Variants in AP3B1 observed in about 807,000 individuals in gnomAD.
The protein encoded by AP3B1 is AP-3 complex subunit beta-1.
In AP3B1, 61 loss-of-function variants were observed where a neutral mutation model predicts 132.5. The observed-to-expected ratio is 0.46, with a 90% confidence interval of 0.37 to 0.57. The LOEUF (loss-of-function observed/expected upper bound fraction) is 0.57, where lower values mean the gene tolerates loss of function less well. Ranked by LOEUF, AP3B1 falls within the 20% of genes least tolerant of loss-of-function variation. AP3B1 has a pLI of 0.00. For synonymous variants in AP3B1, 388 were observed against 438.3 expected, an observed-to-expected ratio of 0.89 and a Z score of 1.43; for missense variants, 1,120 against 1,289.4, an observed-to-expected ratio of 0.87 and a Z score of 2.01.
chr5:78,144,613 C>T (rs1753305440), intron 14 of AP3B1, among the ~76,000 whole-genome samples: 1 of 152,122 alleles, frequency 6.6e-6, no homozygotes, highest in African/African-American at 2.4e-5. Flanking sequence ...AAGCCTAAGC[C>T]TGAATTACAA....
chr5:78,096,474 C>G (rs531413769), intron 21 of AP3B1, among the ~76,000 whole-genome samples: 3 of 150,872 alleles, frequency 2.0e-5, no homozygotes, highest in African/African-American at 7.3e-5. Flanking sequence ...GGCCGCCCAT[C>G]GTCTGGGATG....
intron 6 of AP3B1, chr5:78,222,222 AG>A (rs1746209356): frequency 6.5e-6 from 1 of 152,796 alleles, no homozygotes; most frequent in African/African-American, 2.4e-5. Flanking sequence ...TAGCTGCTGC[AG>A]GTTGCTGAAA....
intron 11 of AP3B1, among the ~76,000 whole-genome samples, chr5:78,172,878 G>A (rs1743980309): frequency 6.6e-6 from 1 of 152,124 alleles, no homozygotes; most frequent in Admixed American, 6.5e-5. Context: ...GATCTTTACT[G>A]CTTTCTCTTG....
chr5:78,288,227 C>T (rs1374026149), intron 1 of AP3B1, among the ~76,000 whole-genome samples: 1 of 152,122 alleles, frequency 6.6e-6, no homozygotes, highest in African/African-American at 2.4e-5. Flanking sequence ...TTGAATTACA[C>T]AATTTAACAC....
chr5:78,245,496 C>T (rs114822290), intron 2 of AP3B1, among the ~76,000 whole-genome samples: 2,478 of 152,234 alleles, frequency 0.016, 72 homozygotes, highest in African/African-American at 0.057. Flanking sequence ...CCTCAGAGGC[C>T]TCTTGTGGCT....
intron 21 of AP3B1, among the ~76,000 whole-genome samples, chr5:78,092,113 C>A (rs530122151): frequency 1.9e-4 from 29 of 152,142 alleles, no homozygotes; most frequent in Non-Finnish European, 3.8e-4. Context: ...TTATTCATTC[C>A]TTTGTACATC....
intron 14 of AP3B1, among the ~76,000 whole-genome samples, 182 bp downstream of exon 14, chr5:78,156,076 T>A (rs1264596364): frequency 6.6e-6 from 1 of 152,208 alleles, no homozygotes; most frequent in Non-Finnish European, 1.5e-5. Flanking sequence ...AGGCTCATTC[T>A]ATCCTTTCCC....
intron 18 of AP3B1, among the ~76,000 whole-genome samples, chr5:78,114,432 T>C (rs1751734028): frequency 6.6e-6 from 1 of 152,054 alleles, no homozygotes; most frequent in Non-Finnish European, 1.5e-5. Context: ...ATAGGCAAAA[T>C]GACTAATTAA....
rs539413795 is a variant in AP3B1 at position 78,122,125 on chromosome 5, G to A, written c.1969-5891C>T. Among the ~76,000 whole-genome samples, 990 of 152,146 alleles carry A rather than the reference G, an allele frequency of 6.5e-3. 8 individuals carry two copies. Among genetic ancestry groups the A allele is most frequent in the African/African-American group, 0.023 (950 of 41,500 alleles). On this transcript the variant is annotated intron_variant, in intron 17 of 26. Coordinates refer to ENST00000255194, the MANE Select transcript of AP3B1 (RefSeq NM_003664.5). ...TGATTATCTCAATAGATGCAGAAACGGCCTTTGACAAAATTCAACAACCCT... is the reference window on the plus strand; with the variant it reads ...TGATTATCTCAATAGATGCAGAAACAGCCTTTGACAAAATTCAACAACCCT...
chr5:78,229,143 C>T (rs1365897568), intron 3 of AP3B1, among the ~76,000 whole-genome samples: 1 of 151,872 alleles, frequency 6.6e-6, no homozygotes, highest in Non-Finnish European at 1.5e-5. Flanking sequence ...TGTTGCCTAC[C>T]CAGGCTGGTC....
At chr5:78,168,349 A>G (rs1373193037) in intron 11 of AP3B1, among the ~76,000 whole-genome samples, 1 of 151,150 alleles carries the variant, frequency 6.6e-6, no homozygotes, top group African/African-American at 2.4e-5. Context: ...TCAGCCTCCC[A>G]AGTAGCTGGG....
intron 15 of AP3B1, among the ~76,000 whole-genome samples, chr5:78,134,684 G>C (rs1020374182): frequency 2.7e-4 from 41 of 152,266 alleles, no homozygotes; most frequent in Admixed American, 1.7e-3. Flanking sequence ...AGGATTACAG[G>C]CATGTGCCAC....
At chr5:78,094,529 G>A (rs1327699883) in intron 21 of AP3B1, among the ~76,000 whole-genome samples, 1 of 152,090 alleles carries the variant, frequency 6.6e-6, no homozygotes, top group East Asian at 1.9e-4. Context: ...AAATTGTTTT[G>A]TAGTAGAGTC....
At chr5:78,227,067 G>T (rs1188937264) in intron 5 of AP3B1, among the ~76,000 whole-genome samples, 1 of 151,992 alleles carries the variant, frequency 6.6e-6, no homozygotes, top group African/African-American at 2.4e-5. Flanking sequence ...AAGCATATGT[G>T]TACATGAGAT....
intron 2 of AP3B1, among the ~76,000 whole-genome samples, chr5:78,248,248 T>C (rs557805514): frequency 6.6e-5 from 10 of 151,916 alleles, no homozygotes; most frequent in Admixed American, 6.6e-4. Context: ...TCCCAGCACT[T>C]TGGGAGGCTG....
chr5:78,130,455 T>G (rs749833063), intron 15 of AP3B1, among the ~76,000 whole-genome samples: 11 of 152,084 alleles, frequency 7.2e-5, no homozygotes, highest in Non-Finnish European at 1.5e-4. Context: ...CTTATTTCAG[T>G]AGCAGAGTAG....
rs1450508629 is a variant in AP3B1 at position 78,089,490 on chromosome 5, A to G, written c.2480T>C (p.Val827Ala). 1.2e-6 allele frequency: 2 copies of G among 1,609,076 alleles called. No individual in the cohort carries two copies. Among genetic ancestry groups the G allele is most frequent in the Non-Finnish European group, 1.7e-6 (2 of 1,175,482 alleles). The change falls in exon 22 of 27, where the codon GTA becomes GCA. Residue 827 changes from valine (V) to alanine (A), a missense_variant. Physicochemically the swap from Val to Ala is moderately conservative, Grantham distance 64 (BLOSUM62 0). Coordinates refer to ENST00000255194, the MANE Select transcript of AP3B1 (RefSeq NM_003664.5). ...SLLDLDDFNP[V>A]STPVALPTPA... ...TGTGGGAAGTGCAACTGGAGTGGAT[A>G]CTGGGTTAACTGTAAGAAAAGGCCC...
intron 21 of AP3B1, among the ~76,000 whole-genome samples, chr5:78,091,794 G>C (rs1750528181): frequency 6.6e-6 from 1 of 152,192 alleles, no homozygotes; most frequent in Non-Finnish European, 1.5e-5. Context: ...TGGTCCTGCA[G>C]GATGGTTAAT....
intron 1 of AP3B1, among the ~76,000 whole-genome samples, chr5:78,288,516 A>G (rs1294156712): frequency 1.3e-5 from 2 of 152,200 alleles, no homozygotes; most frequent in African/African-American, 4.8e-5. Flanking sequence ...CAAAGACCCA[A>G]GTGAACTACA....
Sources: gnomAD v4.1 joint callset for allele counts (sites outside exome capture counted in the v4.1 genomes callset) on GRCh38, gnomAD v4.1.1 for gene constraint, MANE v1.5 for transcripts, NCBI Gene and HGNC (gene_info 2026-07-23, HGNC 2026-07-21) for gene names.